Variants in SOBP observed in about 807,000 individuals in gnomAD.
The protein encoded by SOBP is sine oculis-binding protein homolog.
SOBP carries 4 observed loss-of-function variants against 53.6 expected under a neutral mutation model. The observed-to-expected ratio is 0.07, with a 90% CI of 0.04 to 0.17. The LOEUF is 0.17. SOBP is among the 10% of genes least tolerant of loss of function. The pLI, the probability that SOBP is intolerant of heterozygous loss-of-function variation, is 1.00. For synonymous variants in SOBP, 584 were observed against 522.6 expected (o/e 1.12, Z -1.60); for missense variants, 1,088 against 1,204.7 (o/e 0.90, Z 1.43).
intron 4 of SOBP, among the ~76,000 whole-genome samples, chr6:107,572,949 T>A (rs893660670): frequency 6.6e-6 from 1 of 152,216 alleles, no homozygotes; most frequent in African/African-American, 2.4e-5. Context: ...GAATTCACCA[T>A]ACTGCAGTGC....
Position 107,635,378 on chromosome 6 carries a change from TCTC to T in SOBP, c.2538_2540del (p.Ser847del). 6.2e-7 allele frequency: 1 copy of T among 1,613,352 alleles called. No individual in the cohort carries two copies. Among genetic ancestry groups the T allele is most frequent in the Non-Finnish European group, 8.5e-7 (1 of 1,180,014 alleles). ...AAGGCTGCCATGGCACCGTGCATCA[TCTC>T]CTCGCCCATGCTCAGCGCCGGGCCT... On this transcript the variant is annotated inframe_deletion, in exon 6 of 7. Coordinates refer to ENST00000317357, the MANE Select transcript of SOBP (RefSeq NM_018013.4). The surrounding 1 kb of genome is among the most constrained non-coding windows in gnomAD (Gnocchi z 4.5).
chr6:107,491,190 G>C (rs1232491788), intron 1 of SOBP, among the ~76,000 whole-genome samples: 1 of 152,078 alleles, frequency 6.6e-6, no homozygotes, highest in Admixed American at 6.5e-5. Context: ...CAACCAACCA[G>C]CTGCGACGGC....
At chr6:107,626,313 A>G (rs1448309520) in intron 5 of SOBP, among the ~76,000 whole-genome samples, 1 of 152,276 alleles carries the variant, frequency 6.6e-6, no homozygotes, top group South Asian at 2.1e-4. Context: ...CTTATTGCTA[A>G]TAGACAGATT....
At chr6:107,590,897 A>G (rs1224624310) in intron 5 of SOBP, among the ~76,000 whole-genome samples, 1 of 152,152 alleles carries the variant, frequency 6.6e-6, no homozygotes, top group African/African-American at 2.4e-5. Context: ...TAAACATGAC[A>G]TTATTGAGCA....
At chr6:107,525,181 C>T (rs1296021199) in intron 3 of SOBP, among the ~76,000 whole-genome samples, 1 of 152,172 alleles carries the variant, frequency 6.6e-6, no homozygotes, top group Non-Finnish European at 1.5e-5. Context: ...CTTTCCTATT[C>T]CAGTTTCTTA....
intron 4 of SOBP, among the ~76,000 whole-genome samples, chr6:107,552,859 A>G (rs2115013954): frequency 6.6e-6 from 1 of 152,150 alleles, no homozygotes; most frequent in African/African-American, 2.4e-5. Flanking sequence ...GGAGTTAGAA[A>G]CTGCAGTGAG....
intron 4 of SOBP, among the ~76,000 whole-genome samples, chr6:107,562,578 A>G (rs1370962149): frequency 1.3e-5 from 2 of 152,204 alleles, no homozygotes; most frequent in African/African-American, 2.4e-5. Flanking sequence ...CATGACCAGA[A>G]TTCCATGTTT....
At chr6:107,521,184 A>G (rs1312310075) in intron 3 of SOBP, among the ~76,000 whole-genome samples, 2 of 148,324 alleles carry the variant, frequency 1.3e-5, no homozygotes, top group South Asian at 2.2e-4. Flanking sequence ...TTTGTCACTC[A>G]CCCAGTGTCT....
chr6:107,599,780 T>C (rs1036948116), intron 5 of SOBP, among the ~76,000 whole-genome samples: 5 of 152,242 alleles, frequency 3.3e-5, no homozygotes, highest in Admixed American at 2.0e-4. Context: ...AGTTTCAGAA[T>C]ATATCAATTA....
chr6:107,621,008 C>G (rs1048420029), intron 5 of SOBP: 1 of 191,902 alleles, frequency 5.2e-6, no homozygotes, highest in African/African-American at 2.4e-5. Flanking sequence ...TACCCAAATA[C>G]TGACAACTGA....
chr6:107,538,959 C>T (rs1454383900), intron 4 of SOBP, among the ~76,000 whole-genome samples: 2 of 151,936 alleles, frequency 1.3e-5, no homozygotes, highest in South Asian at 2.1e-4. Context: ...TTTAAAGTGA[C>T]ACACAGGCTC....
At chr6:107,570,542 A>G (rs1027353939) in intron 4 of SOBP, among the ~76,000 whole-genome samples, 3 of 152,318 alleles carry the variant, frequency 2.0e-5, no homozygotes, top group African/African-American at 7.2e-5. Context: ...AGTTTTAACT[A>G]TTGGTGTTAC....
intron 5 of SOBP, among the ~76,000 whole-genome samples, chr6:107,588,925 G>C (rs1294403500): frequency 1.3e-5 from 2 of 152,108 alleles, no homozygotes; most frequent in East Asian, 3.8e-4. Context: ...GGAATAAAAA[G>C]AAAACATAAG....
chr6:107,533,506 G>T lies in SOBP; in HGVS notation c.469G>T (p.Val157Leu). Residue 157 changes from valine to leucine, a missense_variant, in exon 4 of 7, where the codon GTG (valine) becomes TTG (leucine). Val to Leu is a conservative substitution (Grantham distance 32, BLOSUM62 1). This residue lies in a region of SOBP where 55 missense variants were observed against 134.3 expected (regional missense o/e 0.41). Coordinates refer to ENST00000317357, the MANE Select transcript of SOBP (RefSeq NM_018013.4). ...VQIMCAWCQK[V>L]GIKRYSLSMG... The stretch of plus-strand genomic sequence containing the variant: ...AATAATGTGTGCCTGGTGCCAGAAA[G>T]TGGGAATCAAGCGCTATTCCCTGAG... 3.1e-6 allele frequency: 5 copies of T among 1,614,156 alleles called. No individual in the cohort carries two copies. Among genetic ancestry groups the T allele is most frequent in the Non-Finnish European group, 4.2e-6 (5 of 1,180,022 alleles).
rs1262640921 is a variant in SOBP, at chr6:107,634,925, G to C, written c.2081G>C (p.Arg694Thr). The C allele has an allele frequency of 8.6e-7, 1 of 1,168,204 alleles. No individual in the cohort carries two copies. The highest frequency in any genetic ancestry group is 4.5e-5 in the East Asian group (1 of 22,144). The allele number at this position is 1,168,204 out of a possible 1,614,324, so 72.4% of individuals were successfully genotyped here. ...AAERRTCGGC[R>T]DGHCSPPAAG... ...GAGCGCAGGACCTGCGGCGGCTGCA[G>C]GGACGGCCACTGCAGCCCGCCCGCC... The change falls in exon 6 of 7, where the codon AGG becomes ACG. Residue 694 changes from arginine to threonine, a missense_variant. Arg to Thr is a moderately conservative substitution (Grantham distance 71). Around this residue, in one of 6 missense-constraint regions of SOBP, gnomAD observed 665 missense variants for 629.7 expected, o/e 1.06. Coordinates refer to ENST00000317357, the MANE Select transcript of SOBP (RefSeq NM_018013.4). This position sits in a 1 kb window ranked among gnomAD's most constrained non-coding sequence, Gnocchi z 4.5.
chr6:107,513,893 A>G (rs552872035), intron 3 of SOBP: 266 of 152,714 alleles, frequency 1.7e-3, no homozygotes, highest in Non-Finnish European at 3.0e-3. Flanking sequence ...GTATTATGCT[A>G]GTAGATTTAT....
At chr6:107,648,577 T>C (rs944968555) in intron 6 of SOBP, among the ~76,000 whole-genome samples, 1 of 151,612 alleles carries the variant, frequency 6.6e-6, no homozygotes, top group African/African-American at 2.4e-5. Context: ...TGTTTGCAAA[T>C]GCAGGGTGTT....
At position 107,659,657 on chromosome 6, in the gene SOBP, G is replaced by C. The variant is rs956938367; in HGVS notation, c.*1454G>C. 6.5e-6 allele frequency: 1 copy of C among 152,848 alleles called. No homozygotes were observed. Among genetic ancestry groups the C allele is most frequent in the African/African-American group, 2.4e-5 (1 of 41,476 alleles). The allele number at this position is 152,848 out of a possible 1,614,324, so 9.5% of individuals were successfully genotyped here. On this transcript the variant is annotated 3_prime_UTR_variant, in exon 7 of 7. Transcript: ENST00000317357. ...CCACAAGGCCGCGGAGCCTCAGCAG[G>C]AGGGGTGGCGAGTTGCGGGTGGGCA...
intron 1 of SOBP, among the ~76,000 whole-genome samples, chr6:107,501,308 G>A (rs1211234866): frequency 6.6e-6 from 1 of 152,158 alleles, no homozygotes; most frequent in South Asian, 2.1e-4. Flanking sequence ...CCTGGAACTG[G>A]TTCTGAAAGG....
Sources: gnomAD v4.1 joint callset for allele counts (sites outside exome capture counted in the v4.1 genomes callset) on GRCh38, gnomAD v4.1.1 for gene constraint, gnomAD v4.1.1 regional missense constraint, Gnocchi (gnomAD v3.1) non-coding constraint, MANE v1.5 for transcripts, NCBI Gene and HGNC (gene_info 2026-07-23, HGNC 2026-07-21) for gene names.